The following ADAM12 variants were observed in gnomAD, a reference collection of about 807,000 sequenced individuals.
The protein encoded by ADAM12 is ADAM metallopeptidase domain 12.
ADAM12 carries 70 observed loss-of-function variants against 106.4 expected under a neutral mutation model. The observed-to-expected ratio is 0.66, with a 90% CI of 0.54 to 0.80. The LOEUF (loss-of-function observed/expected upper bound fraction) is 0.80. Ranked by LOEUF, ADAM12 falls within the 30% of genes least tolerant of loss-of-function variation. The pLI, the probability that ADAM12 is intolerant of heterozygous loss-of-function variation, is 0.00. For synonymous variants in ADAM12, 420 were observed against 433.5 expected, an observed-to-expected ratio of 0.97 and a Z score of 0.39; for missense variants, 1,010 against 1,171.9, an observed-to-expected ratio of 0.86 and a Z score of 2.02.
chr10:126,121,277 A>C (rs1956103467), intron 5 of ADAM12, among the ~76,000 whole-genome samples: 1 of 110,806 alleles, frequency 9.0e-6, no homozygotes, highest in East Asian at 2.4e-4. Flanking sequence ...ATAATATATA[A>C]TATACTATAT....
At chr10:126,354,757 A>G (rs1855479799) in intron 1 of ADAM12, among the ~76,000 whole-genome samples, 1 of 152,108 alleles carries the variant, frequency 6.6e-6, no homozygotes, top group South Asian at 2.1e-4. Context: ...CTTTTAGTGG[A>G]TACTGCAGAA....
intron 11 of ADAM12, among the ~76,000 whole-genome samples, chr10:126,080,540 G>A (rs1184593533): frequency 6.6e-6 from 1 of 152,128 alleles, no homozygotes; most frequent in African/African-American, 2.4e-5. Flanking sequence ...AAAAAAAAGT[G>A]CTGCTTTCAG....
chr10:126,052,199 C>G (rs1176631502), intron 14 of ADAM12, among the ~76,000 whole-genome samples: 1 of 152,152 alleles, frequency 6.6e-6, no homozygotes, highest in Non-Finnish European at 1.5e-5. Context: ...GGCCCTGCAG[C>G]CCAAGCAACA....
intron 20 of ADAM12, among the ~76,000 whole-genome samples, chr10:126,036,761 G>C (rs890834110): frequency 4.6e-5 from 7 of 152,198 alleles, no homozygotes; most frequent in African/African-American, 1.7e-4. Flanking sequence ...CAGGAAGCCA[G>C]GGCTGAGGTT....
chr10:126,078,776 G>C (rs957138534), intron 11 of ADAM12, among the ~76,000 whole-genome samples: 1 of 151,902 alleles, frequency 6.6e-6, no homozygotes, highest in Admixed American at 6.6e-5. Flanking sequence ...TTGCAAATGA[G>C]GTGAAGGGAT....
chr10:126,081,674 T>C lies in ADAM12; in HGVS notation c.1146-10020A>G, dbSNP rs952980987. Among the ~76,000 whole-genome samples, 8 of 152,136 alleles carry C rather than the reference T, an allele frequency of 5.3e-5. No homozygotes were observed. The East Asian group carries it at 7.7e-4, about 15-fold the overall frequency. ...AGCCTCTGTTTTCACATCTATAAAATAGGGATAACAACTACCTCATTGCAC... is the reference window on the plus strand; with the variant it reads ...AGCCTCTGTTTTCACATCTATAAAACAGGGATAACAACTACCTCATTGCAC... On this transcript the variant is annotated intron_variant, in intron 11 of 22. Transcript: ENST00000448723.
chr10:126,168,249 G>A (rs1479897070), intron 3 of ADAM12, among the ~76,000 whole-genome samples: 1 of 152,152 alleles, frequency 6.6e-6, no homozygotes, highest in East Asian at 1.9e-4. Context: ...ACATTTCTCA[G>A]TAATAAAATG....
intron 2 of ADAM12, among the ~76,000 whole-genome samples, chr10:126,287,941 G>A (rs149989336): frequency 8.7e-4 from 132 of 151,490 alleles, no homozygotes; most frequent in Middle Eastern, 6.8e-3. Context: ...CACACCCGGA[G>A]CAGGGCCACC....
intron 5 of ADAM12, among the ~76,000 whole-genome samples, chr10:126,124,070 G>A (rs746687489): frequency 2.6e-5 from 4 of 152,142 alleles, no homozygotes; most frequent in South Asian, 4.1e-4. Flanking sequence ...CACCGGGGCC[G>A]CTTAATGTCT....
intron 1 of ADAM12, among the ~76,000 whole-genome samples, chr10:126,349,315 C>T (rs1590812173): frequency 6.6e-6 from 1 of 152,200 alleles, no homozygotes; most frequent in Admixed American, 6.5e-5. Context: ...CACCAAAGCA[C>T]ATGTTTGGCA....
chr10:126,103,634 A>G (rs1955709404), intron 8 of ADAM12, among the ~76,000 whole-genome samples: 1 of 152,200 alleles, frequency 6.6e-6, no homozygotes, highest in Non-Finnish European at 1.5e-5. Context: ...TAACACTGCC[A>G]TCTTCTGTGA....
chr10:126,185,407 A>G (rs1957382846), intron 3 of ADAM12, among the ~76,000 whole-genome samples: 1 of 152,116 alleles, frequency 6.6e-6, no homozygotes, highest in African/African-American at 2.4e-5. Context: ...AATGACAGCA[A>G]CCTTTTCTGA....
chr10:126,291,083 T>C (rs1245784853), intron 2 of ADAM12, among the ~76,000 whole-genome samples: 1 of 152,244 alleles, frequency 6.6e-6, no homozygotes, highest in African/African-American at 2.4e-5. Context: ...ACTGTGTTTA[T>C]TAACCAGAAA....
chr10:126,092,387 A>C (rs1382110871), intron 11 of ADAM12, among the ~76,000 whole-genome samples: 3 of 152,168 alleles, frequency 2.0e-5, no homozygotes, highest in Non-Finnish European at 4.4e-5. Context: ...AGGGCTTGTG[A>C]AATGTTGGAA....
At chr10:126,089,888 C>T (rs1404681215) in intron 11 of ADAM12, among the ~76,000 whole-genome samples, 1 of 152,182 alleles carries the variant, frequency 6.6e-6, no homozygotes, top group Admixed American at 6.5e-5. Context: ...CCCCATGTTT[C>T]CTCTCTTTGT....
chr10:126,267,121 T>A (rs1959111920), intron 3 of ADAM12, among the ~76,000 whole-genome samples: 2 of 152,152 alleles, frequency 1.3e-5, no homozygotes, highest in Non-Finnish European at 2.9e-5. Context: ...ACACTGTCAA[T>A]CATCTCCTCT....
intron 1 of ADAM12, among the ~76,000 whole-genome samples, chr10:126,378,442 G>A (rs1403925001): frequency 6.6e-6 from 1 of 152,190 alleles, no homozygotes; most frequent in African/African-American, 2.4e-5. Context: ...AATGAACCAA[G>A]CACATATATG....
chr10:126,172,612 G>A (rs371610719), intron 3 of ADAM12, among the ~76,000 whole-genome samples: 1 of 152,174 alleles, frequency 6.6e-6, no homozygotes, highest in South Asian at 2.1e-4. Context: ...AACAACAGAT[G>A]CTGGAGAGGA....
intron 3 of ADAM12, among the ~76,000 whole-genome samples, chr10:126,260,878 A>G (rs2133708595): frequency 6.6e-6 from 1 of 152,352 alleles, no homozygotes; most frequent in African/African-American, 2.4e-5. Context: ...CTTTATATTT[A>G]TGTCCATACA....
Sources: gnomAD v4.1 joint callset for allele counts (sites outside exome capture counted in the v4.1 genomes callset) on GRCh38, gnomAD v4.1.1 for gene constraint, MANE v1.5 for transcripts, NCBI Gene and HGNC (gene_info 2026-07-23, HGNC 2026-07-21) for gene names.